CEP128: variants seen among roughly 807,000 people sequenced by gnomAD.
The protein encoded by CEP128 is centrosomal protein 128, also known as centrosomal protein 128kDa.
CEP128 carries 132 observed loss-of-function variants against 156.7 expected under a neutral mutation model. That is an observed-to-expected ratio of 0.84 (90% CI 0.73 to 0.97). The LOEUF is 0.97. CEP128 is among the 50% of genes least tolerant of loss of function. The pLI is 0.00. For missense variants in CEP128, 1,252 were observed against 1,281.9 expected, an observed-to-expected ratio of 0.98 and a Z score of 0.36; for synonymous variants, 469 against 448.9, an observed-to-expected ratio of 1.04 and a Z score of -0.57.
At chr14:80,955,607 G>A in intron 2 of CEP128, 1 of 1,589,516 alleles carries the variant, frequency 6.3e-7, no homozygotes, top group Non-Finnish European at 8.6e-7. Flanking sequence ...CTTTGGCCTG[G>A]GGTAACCCGA....
intron 19 of CEP128, among the ~76,000 whole-genome samples, chr14:80,682,585 C>G (rs1896365726): frequency 6.6e-6 from 1 of 152,040 alleles, no homozygotes; most frequent in Non-Finnish European, 1.5e-5. Context: ...ATACAGAAAA[C>G]CTAGAGAACA....
intron 19 of CEP128, among the ~76,000 whole-genome samples, chr14:80,655,919 C>T (rs2619662): frequency 1 from 152,264 of 152,264 alleles, 76,132 homozygotes; most frequent in Non-Finnish European, 1. Flanking sequence ...TTTGTTTTGC[C>T]TCATTTAGGA....
At chr14:80,706,453 G>T (rs1309649182) in intron 19 of CEP128, among the ~76,000 whole-genome samples, 2 of 152,018 alleles carry the variant, frequency 1.3e-5, no homozygotes, top group Non-Finnish European at 2.9e-5. Flanking sequence ...GTGTGTGTGT[G>T]TAAGTTCTAT....
intron 21 of CEP128, among the ~76,000 whole-genome samples, chr14:80,556,412 T>G (rs967035022): frequency 2.0e-5 from 3 of 152,172 alleles, no homozygotes; most frequent in African/African-American, 7.2e-5. Flanking sequence ...GTTTATTGAT[T>G]GTCTACTATA....
At chr14:80,730,916 C>T (rs1360020456) in intron 19 of CEP128, among the ~76,000 whole-genome samples, 1 of 151,950 alleles carries the variant, frequency 6.6e-6, no homozygotes, top group Non-Finnish European at 1.5e-5. Context: ...TTCCTGTGAG[C>T]TATTCAAAAA....
At chr14:80,853,233 A>C (rs1311058121) in intron 9 of CEP128, among the ~76,000 whole-genome samples, 1 of 151,910 alleles carries the variant, frequency 6.6e-6, no homozygotes, top group Non-Finnish European at 1.5e-5. Flanking sequence ...ACAAATATAG[A>C]AGTAACACAA....
intron 19 of CEP128, among the ~76,000 whole-genome samples, chr14:80,584,261 C>T (rs1020676431): frequency 1.3e-5 from 2 of 151,458 alleles, no homozygotes; most frequent in Admixed American, 6.6e-5. Context: ...ATTCTCCTGC[C>T]TCAGCCTCCT....
intron 19 of CEP128, among the ~76,000 whole-genome samples, chr14:80,580,998 A>G (rs1891568483): frequency 1.3e-5 from 2 of 152,182 alleles, no homozygotes; most frequent in South Asian, 4.1e-4. Flanking sequence ...CATTGAAGCT[A>G]CATTTGACTA....
At chr14:80,493,732 C>T (rs1887401318), downstream of CEP128, among the ~76,000 whole-genome samples, 1 of 152,144 alleles carries the variant, frequency 6.6e-6, no homozygotes, top group Non-Finnish European at 1.5e-5. Context: ...TAGACTTCAG[C>T]GGTCAACAAT....
intron 20 of CEP128, among the ~76,000 whole-genome samples, chr14:80,569,519 T>C (rs1011218628): frequency 3.3e-5 from 5 of 152,240 alleles, no homozygotes; most frequent in South Asian, 2.1e-4. Flanking sequence ...GGAATGCTGA[T>C]ACAGTGTGGT....
intron 3 of CEP128, among the ~76,000 whole-genome samples, chr14:80,914,660 G>GT (rs1312546346): frequency 1.3e-5 from 2 of 152,040 alleles, no homozygotes. Flanking sequence ...AGATTCCCTA[G>GT]TAAGTCAGCA....
At chr14:80,508,993 G>C (rs1459849252) in intron 23 of CEP128, among the ~76,000 whole-genome samples, 1 of 152,096 alleles carries the variant, frequency 6.6e-6, no homozygotes, top group Non-Finnish European at 1.5e-5. Flanking sequence ...GGAAGGAGAA[G>C]GGGAAGTAAG....
At chr14:80,480,424 T>C (rs537064662) in intron 14 of CEP128, among the ~76,000 whole-genome samples, 4 of 152,244 alleles carry the variant, frequency 2.6e-5, no homozygotes, top group African/African-American at 9.6e-5. Flanking sequence ...TCTGAAGCCA[T>C]AGCCCAACCC....
chr14:80,823,556 T>A (rs1885305547), intron 13 of CEP128, among the ~76,000 whole-genome samples: 1 of 151,948 alleles, frequency 6.6e-6, no homozygotes, highest in Admixed American at 6.6e-5. Context: ...TGAAATACCA[T>A]GATTGTTTAT....
At chr14:80,865,705 T>C (rs1320834311) in intron 8 of CEP128, among the ~76,000 whole-genome samples, 1 of 152,184 alleles carries the variant, frequency 6.6e-6, no homozygotes, top group Non-Finnish European at 1.5e-5. Flanking sequence ...ATCTTCCCTC[T>C]TGCCAGTCAT....
At chr14:80,630,456 T>C (rs1171006732) in intron 19 of CEP128, among the ~76,000 whole-genome samples, 1 of 152,002 alleles carries the variant, frequency 6.6e-6, no homozygotes, top group African/African-American at 2.4e-5. Flanking sequence ...ATTAAAATAG[T>C]ATTTATGGGT....
At chr14:80,615,741 C>T (rs1412411947) in intron 19 of CEP128, among the ~76,000 whole-genome samples, 1 of 152,052 alleles carries the variant, frequency 6.6e-6, no homozygotes, top group Non-Finnish European at 1.5e-5. Flanking sequence ...CCAAGATACT[C>T]GGGAGGCTGA....
At chr14:80,610,734 CA>C (rs1892961699) in intron 19 of CEP128, among the ~76,000 whole-genome samples, 1 of 152,072 alleles carries the variant, frequency 6.6e-6, no homozygotes, top group African/African-American at 2.4e-5. Context: ...ATGACTTATG[CA>C]TGTTATTATT....
At chr14:80,929,520 C>T (rs936593827) in intron 2 of CEP128, among the ~76,000 whole-genome samples, 1 of 152,182 alleles carries the variant, frequency 6.6e-6, no homozygotes, top group Non-Finnish European at 1.5e-5. Context: ...TATATGTATA[C>T]CATGGAATAC....
Sources: gnomAD v4.1 joint callset for allele counts (sites outside exome capture counted in the v4.1 genomes callset) on GRCh38, gnomAD v4.1.1 for gene constraint, MANE v1.5 for transcripts, NCBI Gene and HGNC (gene_info 2026-07-23, HGNC 2026-07-21) for gene names.